The following ERVK3-1 variants were observed in gnomAD, a reference collection of about 807,000 sequenced individuals.
The protein encoded by ERVK3-1 is endogenous retrovirus group K3 member 1, also known as HERV-K(HML6-1).
Position 58,305,423 on chromosome 19 carries a change from T to C in ERVK3-1, c.-155T>C, listed in dbSNP as rs1018303002. On this transcript the variant is annotated 5_prime_UTR_variant, in exon 1 of 4. Coordinates refer to ENST00000413518, the Ensembl canonical transcript of ERVK3-1. ...CGCGCGGACTATCGGGCGGCTAGGCTCTCTGAGGAGGCTGCCACAGTGGTG... is the reference window on the plus strand; with the variant it reads ...CGCGCGGACTATCGGGCGGCTAGGCCCTCTGAGGAGGCTGCCACAGTGGTG... 4.3e-4 allele frequency: 66 copies of C among 152,328 alleles called. 1 individual carries two copies. The highest frequency in any genetic ancestry group is 1.0e-3 in the African/African-American group (42 of 41,398). The allele number at this position is 152,328 out of a possible 1,614,324, so 9.4% of individuals were successfully genotyped here.
chr19:58,308,764 C>T (rs2051539641), intron 2 of ERVK3-1, among the ~76,000 whole-genome samples: 1 of 152,054 alleles, frequency 6.6e-6, no homozygotes, highest in Admixed American at 6.5e-5. Flanking sequence ...ATCAATGGCC[C>T]CTATCACAGG....
At chr19:58,308,879 A>G (rs1010058412) in intron 2 of ERVK3-1, among the ~76,000 whole-genome samples, 1 of 152,224 alleles carries the variant, frequency 6.6e-6, no homozygotes, top group Non-Finnish European at 1.5e-5. Flanking sequence ...TGACCCCCAA[A>G]ACGTCAGGAA....
downstream of ERVK3-1, among the ~76,000 whole-genome samples, chr19:58,315,816 G>T (rs2051589118): frequency 6.6e-6 from 1 of 152,170 alleles, no homozygotes; most frequent in South Asian, 2.1e-4. Flanking sequence ...GTGCTCATTA[G>T]CCATACTTCA....
chr19:58,308,868 G>A (rs2051540226), intron 2 of ERVK3-1, among the ~76,000 whole-genome samples: 1 of 152,170 alleles, frequency 6.6e-6, no homozygotes, highest in Admixed American at 6.5e-5. Flanking sequence ...ACCAGTATTT[G>A]TGACCCCCAA....
rs549877692 is a variant in ERVK3-1 at position 58,312,451 on chromosome 19, G to A, written c.283G>A (p.Val95Met). 42 of 400,176 alleles carry A rather than the reference G, an allele frequency of 1.0e-4. No individual in the cohort carries two copies. The highest frequency in any genetic ancestry group is 7.9e-4 in the Admixed American group (18 of 22,738). The allele number at this position is 400,176 out of a possible 1,614,324, so 24.8% of individuals were successfully genotyped here. Residue 95 changes from valine (V) to methionine (M), a missense_variant, in exon 3 of 4, where the codon GTG becomes ATG. Physicochemically the swap from Val to Met is conservative, Grantham distance 21. Coordinates refer to ENST00000413518, the Ensembl canonical transcript of ERVK3-1. The surrounding 1 kb of genome is among the most constrained non-coding windows in gnomAD (Gnocchi z 4.7). Reference sequence around the variant, plus strand: ...CATGTTCTTGGCCATGCTAGCTGTAGTGTCCTGTGCGGTATGTTTCCCCTG... The same window carrying A: ...CATGTTCTTGGCCATGCTAGCTGTAATGTCCTGTGCGGTATGTTTCCCCTG...
chr19:58,309,456 A>G (rs185696473), intron 2 of ERVK3-1: 2 of 152,236 alleles, frequency 1.3e-5, no homozygotes, highest in Non-Finnish European at 2.9e-5. Flanking sequence ...AACTTAGGGG[A>G]TATTAATTGG....
chr19:58,312,514 C>T lies in ERVK3-1; in HGVS notation c.294+52C>T. On this transcript the variant is annotated intron_variant, in intron 3 of 3. Transcript: ENST00000413518. The surrounding 1 kb of genome is among the most constrained non-coding windows in gnomAD (Gnocchi z 4.7). ...AACATATTGGGCATATGTTCCTAAC[C>T]CACTGGTAGTACGACTGGTACTCTG... 1 of 399,672 alleles carries T rather than the reference C, an allele frequency of 2.5e-6. No individual in the cohort carries two copies. Among genetic ancestry groups the T allele is most frequent in the Non-Finnish European group, 4.4e-6 (1 of 226,072 alleles). The allele number at this position is 399,672 out of a possible 1,614,324, so 24.8% of individuals were successfully genotyped here.
exon 4 of ERVK3-1, chr19:58,314,959 G>T: frequency 2.6e-6 from 1 of 391,074 alleles, no homozygotes; most frequent in Non-Finnish European, 4.5e-6. Context: ...AACTCTGTCT[G>T]CCGCCAGAAG....
At chr19:58,306,005 A>G (rs1285519612) in intron 1 of ERVK3-1, 83 bp from the exon 2 acceptor site, 1 of 152,296 alleles carries the variant, frequency 6.6e-6, no homozygotes, top group African/African-American at 2.4e-5. Context: ...CCTAGAATCT[A>G]GGAGCCCCCT....
At chr19:58,311,488 C>G (rs1200962478) in intron 2 of ERVK3-1, 1 of 152,228 alleles carries the variant, frequency 6.6e-6, no homozygotes, top group Non-Finnish European at 1.5e-5. Context: ...TTTCATCTGC[C>G]TCGCAGCCAG....
chr19:58,311,958 C>G (rs1804391412), intron 2 of ERVK3-1: 1 of 376,354 alleles, frequency 2.7e-6, no homozygotes, highest in Non-Finnish European at 4.7e-6. Context: ...ATTACCACTT[C>G]AAACAAAATT....
chr19:58,310,200 T>C lies in ERVK3-1; in HGVS notation c.-3-1966T>C, dbSNP rs1422393846. ...CTTTATTTCCTATTAATATTGTCTG[T>C]AATTCAGCCTATGTCGTAAATGTAG... is the stretch of plus-strand genomic sequence containing the variant. On this transcript the variant is annotated intron_variant, in intron 2 of 3. Coordinates refer to ENST00000413518, the Ensembl canonical transcript of ERVK3-1. The surrounding 1 kb of genome is among the most constrained non-coding windows in gnomAD (Gnocchi z 4.7). 1.3e-5 allele frequency: 2 copies of C among 152,292 alleles called. No individual in the cohort carries two copies. The highest frequency in any genetic ancestry group is 2.9e-5 in the Non-Finnish European group (2 of 68,084). 9.4% of individuals were successfully genotyped at this position (152,292 alleles called of 1,614,324 possible).
rs556692596 is a variant in ERVK3-1, at chr19:58,313,300, T to C, written c.294+838T>C. Among the ~76,000 whole-genome samples, 1 of 152,364 alleles carries C rather than the reference T, an allele frequency of 6.6e-6. No homozygotes were observed. The highest frequency in any genetic ancestry group is 1.9e-4 in the East Asian group (1 of 5,190). On this transcript the variant is annotated intron_variant, in intron 3 of 3. Coordinates refer to ENST00000413518, the Ensembl canonical transcript of ERVK3-1. The surrounding 1 kb of genome is among the most constrained non-coding windows in gnomAD (Gnocchi z 4.5). Reference sequence around the variant, plus strand: ...TGGGTTTTTTGTTGTTGTTGTTAACTGTTTGAGATGGAGTCTCACTCTGTC... The same window carrying C: ...TGGGTTTTTTGTTGTTGTTGTTAACCGTTTGAGATGGAGTCTCACTCTGTC...
rs1255313465 is a variant in ERVK3-1, at chr19:58,313,358, G to A, written c.294+896G>A. ...CTGGAGTGCAGTGGCGCAATCTCGGGTCACTGCAACCTTTGCCTCCCGGGT... is the reference window on the plus strand; with the variant it reads ...CTGGAGTGCAGTGGCGCAATCTCGGATCACTGCAACCTTTGCCTCCCGGGT... On this transcript the variant is annotated intron_variant, in intron 3 of 3. Coordinates refer to ENST00000413518, the Ensembl canonical transcript of ERVK3-1. This position sits in a 1 kb window ranked among gnomAD's most constrained non-coding sequence, Gnocchi z 4.5. Among the ~76,000 whole-genome samples the A allele has an allele frequency of 1.3e-5, 2 of 152,044 alleles. No individual in the cohort carries two copies. Among genetic ancestry groups the A allele is most frequent in the South Asian group, 2.1e-4 (1 of 4,818 alleles).
At chr19:58,315,835 A>G (rs950244924), downstream of ERVK3-1, among the ~76,000 whole-genome samples, 11 of 152,156 alleles carry the variant, frequency 7.2e-5, no homozygotes, top group African/African-American at 2.7e-4. Context: ...CATTTTCCAG[A>G]ATCCCAGGCC....
chr19:58,308,459 T>C (rs2147969008), intron 2 of ERVK3-1, among the ~76,000 whole-genome samples: 1 of 152,364 alleles, frequency 6.6e-6, no homozygotes, highest in Non-Finnish European at 1.5e-5. Flanking sequence ...TTCAACCTTA[T>C]GTTGCAAATA....
At position 58,313,499 on chromosome 19, in the gene ERVK3-1, G is replaced by A. The variant is rs1279731308; in HGVS notation, c.294+1037G>A. 6.6e-6 allele frequency among the ~76,000 whole-genome samples: 1 copy of A among 151,624 alleles called. No homozygotes were observed. Among genetic ancestry groups the A allele is most frequent in the Non-Finnish European group, 1.5e-5 (1 of 67,980 alleles). ...ATAGAAACGGGATTTCACCTTCTTGGCCAGGCTGCTCTTGAATTCCTGACC... is the reference window on the plus strand; with the variant it reads ...ATAGAAACGGGATTTCACCTTCTTGACCAGGCTGCTCTTGAATTCCTGACC... On this transcript the variant is annotated intron_variant, in intron 3 of 3. Coordinates refer to ENST00000413518, the Ensembl canonical transcript of ERVK3-1. This position sits in a 1 kb window ranked among gnomAD's most constrained non-coding sequence, Gnocchi z 4.5.
rs2147971919 is a variant in ERVK3-1, at chr19:58,313,979, T to G, written c.295-769T>G. Among the ~76,000 whole-genome samples, 3 of 152,346 alleles carry G rather than the reference T, an allele frequency of 2.0e-5. No homozygotes were observed. The highest frequency in any genetic ancestry group is 6.8e-3 in the Middle Eastern group (2 of 294). On this transcript the variant is annotated intron_variant, in intron 3 of 3. Transcript: ENST00000413518. The surrounding 1 kb of genome is among the most constrained non-coding windows in gnomAD (Gnocchi z 4.5). ...AGCCCAATATGTAGAAAATTGGACA[T>G]GTACAGCCAACCAGGCATGGATGCT...
chr19:58,306,338 G>A (rs768744704), intron 2 of ERVK3-1, 122 bp downstream of exon 2: 1 of 152,182 alleles, frequency 6.6e-6, no homozygotes, highest in Non-Finnish European at 1.5e-5. Flanking sequence ...TAAACAATCT[G>A]GTGCTCGGGT....
Sources: allele counts gnomAD v4.1 joint callset (sites outside exome capture counted in the v4.1 genomes callset), GRCh38; gene constraint gnomAD v4.1.1; non-coding constraint Gnocchi (gnomAD v3.1); transcripts MANE v1.5; gene names NCBI Gene and HGNC (gene_info 2026-07-23, HGNC 2026-07-21).